CACHD1: variants seen among roughly 807,000 people sequenced by gnomAD.
The protein encoded by CACHD1 is cache domain containing 1, also known as VWFA and cache domain-containing protein 1.
In CACHD1, 71 loss-of-function variants were observed where a neutral mutation model predicts 138.7. The observed-to-expected ratio is 0.51, with a 90% CI of 0.42 to 0.62. The LOEUF (loss-of-function observed/expected upper bound fraction) is 0.62. Among genes scored for constraint, CACHD1 ranks in the 20% least tolerant of loss-of-function variants. The probability of loss-of-function intolerance (pLI) is 0.00; values close to 1 mark genes in which losing one functional copy is unlikely to be tolerated. For synonymous variants in CACHD1, 578 were observed against 591.5 expected (o/e 0.98, Z 0.33); for missense variants, 1,389 against 1,625.3 (o/e 0.85, Z 2.50).
At chr1:64,508,913 GGT>G (rs1444875150) in intron 1 of CACHD1, among the ~76,000 whole-genome samples, 3 of 151,904 alleles carry the variant, frequency 2.0e-5, no homozygotes, top group Non-Finnish European at 4.4e-5. Context: ...TCTTTTCTTT[GGT>G]GTCTCCTGCC....
At chr1:64,547,409 A>G (rs1414991023) in intron 1 of CACHD1, among the ~76,000 whole-genome samples, 1 of 152,090 alleles carries the variant, frequency 6.6e-6, no homozygotes, top group Non-Finnish European at 1.5e-5. Flanking sequence ...CTTGTTGCCC[A>G]AGCTGGAGTG....
chr1:64,534,161 A>G (rs1299672599), intron 1 of CACHD1, among the ~76,000 whole-genome samples: 3 of 150,642 alleles, frequency 2.0e-5, no homozygotes, highest in African/African-American at 7.4e-5. Flanking sequence ...CTTCTGCCTC[A>G]GCCTCTGGAG....
At chr1:64,591,935 T>A (rs1647109783) in intron 3 of CACHD1, among the ~76,000 whole-genome samples, 1 of 152,232 alleles carries the variant, frequency 6.6e-6, no homozygotes, top group Admixed American at 6.5e-5. Flanking sequence ...AATACCTTGC[T>A]TAAATAGGTC....
intron 1 of CACHD1, among the ~76,000 whole-genome samples, chr1:64,488,254 G>A (rs1469476465): frequency 6.6e-6 from 1 of 152,188 alleles, no homozygotes; most frequent in East Asian, 1.9e-4. Context: ...ATTGTACAGA[G>A]AATCTCATTA....
intron 3 of CACHD1, among the ~76,000 whole-genome samples, chr1:64,598,846 C>A (rs1647184762): frequency 1.3e-5 from 2 of 150,550 alleles, no homozygotes; most frequent in Admixed American, 1.3e-4. Flanking sequence ...TTCTCTGTCC[C>A]AAATTTATGT....
chr1:64,567,462 G>A (rs1245555815), intron 2 of CACHD1, among the ~76,000 whole-genome samples: 1 of 152,080 alleles, frequency 6.6e-6, no homozygotes, highest in East Asian at 1.9e-4. Flanking sequence ...CAACATGATA[G>A]TTTGTATTCA....
intron 1 of CACHD1, among the ~76,000 whole-genome samples, chr1:64,546,183 A>G (rs1487175614): frequency 2.6e-5 from 4 of 152,010 alleles, no homozygotes; most frequent in African/African-American, 9.7e-5. Context: ...CCCTCCGGGG[A>G]GTTGGGATAA....
intron 1 of CACHD1, among the ~76,000 whole-genome samples, chr1:64,516,929 C>G (rs1646463504): frequency 6.6e-6 from 1 of 152,208 alleles, no homozygotes; most frequent in Non-Finnish European, 1.5e-5. Flanking sequence ...TAACTGGAGT[C>G]AGACAGACTT....
At chr1:64,679,329 TTCTGGTCTGCTCAC>T (rs1650092502) in intron 23 of CACHD1, among the ~76,000 whole-genome samples, 3 of 152,224 alleles carry the variant, frequency 2.0e-5, no homozygotes, top group Admixed American at 2.0e-4. Context: ...TAAGCAATTC[TTCTGGTCTGCTCAC>T]TCTTCCCAGC....
intron 12 of CACHD1, among the ~76,000 whole-genome samples, chr1:64,657,885 C>A (rs957056432): frequency 6.6e-6 from 1 of 152,144 alleles, no homozygotes; most frequent in African/African-American, 2.4e-5. Context: ...GGATAATAAT[C>A]GAGAAATTTC....
intron 13 of CACHD1, among the ~76,000 whole-genome samples, chr1:64,662,830 T>C (rs896181361): frequency 1.3e-5 from 2 of 152,232 alleles, no homozygotes; most frequent in African/African-American, 4.8e-5. Context: ...GAAGCTTTTG[T>C]TTGTGTCAAG....
chr1:64,613,268 G>T (rs1647594074), intron 4 of CACHD1, among the ~76,000 whole-genome samples: 1 of 152,098 alleles, frequency 6.6e-6, no homozygotes, highest in South Asian at 2.1e-4. Context: ...AAGATGCTGT[G>T]AACATTGTTG....
At chr1:64,661,490 C>T (rs1249332474) in intron 13 of CACHD1, among the ~76,000 whole-genome samples, 1 of 152,190 alleles carries the variant, frequency 6.6e-6, no homozygotes, top group Non-Finnish European at 1.5e-5. Context: ...GCCACCTCTT[C>T]TTCTCTTTAC....
Position 64,470,934 on chromosome 1 carries a change from A to G in CACHD1, c.190A>G (p.Thr64Ala), listed in dbSNP as rs762260131. Reference protein sequence around the residue: ...RLAAEELGVVTMQRIFNSFVY... With the variant: ...RLAAEELGVVAMQRIFNSFVY... ...GGCGGCCGAGGAGCTGGGGGTCGTC[A>G]CCATGCAGGTAAGTGGCCCCCGAGC... The change falls in exon 1 of 27, where the codon ACC becomes GCC. Residue 64 changes from threonine to alanine, a missense_variant. Thr to Ala is a moderately conservative substitution (Grantham distance 58). Coordinates refer to ENST00000651257, the MANE Select transcript of CACHD1 (RefSeq NM_020925.4). This position sits in a 1 kb window ranked among gnomAD's most constrained non-coding sequence, Gnocchi z 5.2. 4 of 1,602,810 alleles carry G rather than the reference A, an allele frequency of 2.5e-6. No individual in the cohort carries two copies. The highest frequency in any genetic ancestry group is 2.2e-5 in the East Asian group (1 of 44,476).
chr1:64,475,171 CTT>C (rs3078373), intron 1 of CACHD1, among the ~76,000 whole-genome samples: 2 of 124,286 alleles, frequency 1.6e-5, no homozygotes, highest in African/African-American at 2.9e-5. Context: ...AAATTCCTTC[CTT>C]TTTTTTTTTT....
At chr1:64,614,638 G>A (rs1037003834) in intron 4 of CACHD1, among the ~76,000 whole-genome samples, 1 of 151,556 alleles carries the variant, frequency 6.6e-6, no homozygotes, top group African/African-American at 2.4e-5. Flanking sequence ...TGTTGCTCTT[G>A]TTTGGTCTAG....
intron 4 of CACHD1, among the ~76,000 whole-genome samples, chr1:64,606,741 G>A (rs1454748452): frequency 1.3e-5 from 2 of 152,194 alleles, no homozygotes; most frequent in Non-Finnish European, 2.9e-5. Context: ...TGACAGTGGA[G>A]GTGATGAGAA....
At position 64,664,591 on chromosome 1, in the gene CACHD1, C is replaced by T. The variant is rs766888980; in HGVS notation, c.2188C>T (p.Arg730Cys). The change falls in exon 15 of 27, where the codon CGC becomes TGC. Residue 730 changes from arginine to cysteine, a missense_variant. By Grantham distance (180) the Arg-to-Cys change is radical. Coordinates refer to ENST00000651257, the MANE Select transcript of CACHD1 (RefSeq NM_020925.4). The stretch of plus-strand genomic sequence containing the variant: ...GAGTAGCCTGAACACTTACATTGTC[C>T]GCCGTTACATAGCAACACCCAATGG... ...EMSSLNTYIV[R>C]RYIATPNGVL... 12 of 1,613,980 alleles carry T rather than the reference C, an allele frequency of 7.4e-6. No homozygotes were observed. Among genetic ancestry groups the T allele is most frequent in the South Asian group, 5.5e-5 (5 of 91,086 alleles).
At chr1:64,513,996 T>G (rs1338649817) in intron 1 of CACHD1, among the ~76,000 whole-genome samples, 1 of 152,210 alleles carries the variant, frequency 6.6e-6, no homozygotes, top group Non-Finnish European at 1.5e-5. Flanking sequence ...CCAGATAATC[T>G]TTTTAGGAGG....
Sources: gnomAD v4.1 joint callset for allele counts (sites outside exome capture counted in the v4.1 genomes callset) on GRCh38, gnomAD v4.1.1 for gene constraint, Gnocchi (gnomAD v3.1) non-coding constraint, MANE v1.5 for transcripts, NCBI Gene and HGNC (gene_info 2026-07-23, HGNC 2026-07-21) for gene names.